The following SPRED2 variants were observed in gnomAD, a reference collection of about 807,000 sequenced individuals.
SPRED2 encodes the protein sprouty-related, EVH1 domain-containing protein 2.
Under a neutral mutation model 43.0 loss-of-function variants are expected in SPRED2, and 47 were observed. The ratio of observed to expected loss-of-function variants is 1.09; its 90% CI spans 0.87 to 1.40. SPRED2 has a LOEUF of 1.40. Ranked by LOEUF, SPRED2 falls within the 40% of genes most tolerant of loss-of-function variation. The pLI is 0.00. For synonymous variants in SPRED2, 225 were observed against 225.7 expected (o/e 1.00, Z 0.03); for missense variants, 561 against 586.4 (o/e 0.96, Z 0.45).
At chr2:65,422,350 A>G (rs1392383119) in intron 1 of SPRED2, among the ~76,000 whole-genome samples, 1 of 152,210 alleles carries the variant, frequency 6.6e-6, no homozygotes, top group Non-Finnish European at 1.5e-5. Flanking sequence ...AACTCTAGTT[A>G]GTAATCAGTT....
Position 65,391,602 on chromosome 2 carries a change from G to T in SPRED2, c.26+40360C>A, listed in dbSNP as rs1675637764. Among the ~76,000 whole-genome samples, 5 of 152,118 alleles carry T rather than the reference G, an allele frequency of 3.3e-5. No homozygotes were observed. In the South Asian group the frequency reaches 1.0e-3, roughly 32 times the overall value. ...CCAGGTGGCTTAACCATTGTAATAG[G>T]TTCTTATCAACAGTTTCACTCACAA... On this transcript the variant is annotated intron_variant, in intron 1 of 5. Coordinates refer to ENST00000356388, the MANE Select transcript of SPRED2 (RefSeq NM_181784.3).
At chr2:65,431,216 TAC>T (rs141740222) in intron 1 of SPRED2, among the ~76,000 whole-genome samples, 11 of 150,042 alleles carry the variant, frequency 7.3e-5, no homozygotes, top group Non-Finnish European at 1.0e-4. Context: ...GACACTCACA[TAC>T]ACACACACAC....
chr2:65,404,402 A>T (rs1675975136), intron 1 of SPRED2, among the ~76,000 whole-genome samples: 1 of 152,208 alleles, frequency 6.6e-6, no homozygotes, highest in African/African-American at 2.4e-5. Flanking sequence ...AAGCGCAAGT[A>T]TATACTACTT....
rs145090112 is a variant in SPRED2, at chr2:65,311,103, C to T, written c.*2398G>A. 3.4e-4 allele frequency: 334 copies of T among 985,576 alleles called. 1 individual carries two copies. The South Asian group carries it at 4.9e-3, about 14-fold the overall frequency. The allele number at this position is 985,576 out of a possible 1,614,324, so 61.1% of individuals were successfully genotyped here. ...AATGTGAGCAAATAGCTTGGGGGGT[C>T]GGGGAGGCTTCTGGACAGAAAATCT... On this transcript the variant is annotated 3_prime_UTR_variant, in exon 6 of 6. Coordinates refer to ENST00000356388, the MANE Select transcript of SPRED2 (RefSeq NM_181784.3).
chr2:65,404,853 CCAAA>C (rs1257239735), intron 1 of SPRED2, among the ~76,000 whole-genome samples: 1 of 152,192 alleles, frequency 6.6e-6, no homozygotes, highest in Non-Finnish European at 1.5e-5. Flanking sequence ...TTCCCTTCTG[CCAAA>C]CAAACACCTC....
chr2:65,395,372 C>A (rs1410417206), intron 1 of SPRED2, among the ~76,000 whole-genome samples: 1 of 152,164 alleles, frequency 6.6e-6, no homozygotes, highest in Non-Finnish European at 1.5e-5. Flanking sequence ...TCCCCCTTCC[C>A]CTTCTCTCCA....
At chr2:65,315,569 C>T (rs539020097) in intron 5 of SPRED2, among the ~76,000 whole-genome samples, 14 of 152,274 alleles carry the variant, frequency 9.2e-5, no homozygotes, top group African/African-American at 1.7e-4. Flanking sequence ...AAACAAATCT[C>T]GGAAACTGAC....
At chr2:65,370,500 A>C (rs1675098206) in intron 1 of SPRED2, among the ~76,000 whole-genome samples, 2 of 152,196 alleles carry the variant, frequency 1.3e-5, no homozygotes, top group South Asian at 4.1e-4. Flanking sequence ...GAAAATATTT[A>C]CCATCTAACT....
chr2:65,404,740 C>T (rs1391185258), intron 1 of SPRED2, among the ~76,000 whole-genome samples: 1 of 152,220 alleles, frequency 6.6e-6, no homozygotes, highest in African/African-American at 2.4e-5. Context: ...AGCGAGCAAA[C>T]AGGACTGGCT....
intron 1 of SPRED2, among the ~76,000 whole-genome samples, chr2:65,363,370 T>C (rs922801399): frequency 1.3e-5 from 2 of 152,020 alleles, no homozygotes; most frequent in African/African-American, 2.4e-5. Context: ...CCCGGAAGAA[T>C]GTTCAGGGTT....
At chr2:65,415,096 T>A (rs2103776058) in intron 1 of SPRED2, among the ~76,000 whole-genome samples, 1 of 152,368 alleles carries the variant, frequency 6.6e-6, no homozygotes, top group East Asian at 1.9e-4. Flanking sequence ...CTAAACAAAA[T>A]GTTTTAATCA....
chr2:65,334,501 C>T, intron 3 of SPRED2, 104 bp downstream of exon 3: 2 of 1,436,714 alleles, frequency 1.4e-6, no homozygotes, highest in Non-Finnish European at 1.9e-6. Context: ...GTCCCAAACC[C>T]TCCCGCAAAT....
intron 1 of SPRED2, among the ~76,000 whole-genome samples, chr2:65,357,381 G>A (rs891930336): frequency 6.6e-5 from 10 of 152,136 alleles, no homozygotes; most frequent in African/African-American, 2.4e-4. Flanking sequence ...CACCTCTTAA[G>A]CTATTCATAC....
In SPRED2 at chr2:65,312,253, A is replaced by G. The variant is rs1262170833; in HGVS notation, c.*1248T>C. On this transcript the variant is annotated 3_prime_UTR_variant, in exon 6 of 6. Coordinates refer to ENST00000356388, the MANE Select transcript of SPRED2 (RefSeq NM_181784.3). ...GCGAGTCTGGGTTTGGAGTTGCAGG[A>G]GAAAGACACTTAGGCATTGGAAGGG... 5.1e-6 allele frequency: 5 copies of G among 985,516 alleles called. No individual in the cohort carries two copies. Among genetic ancestry groups the G allele is most frequent in the Non-Finnish European group, 6.0e-6 (5 of 829,948 alleles). 61.0% of individuals were successfully genotyped at this position (985,516 alleles called of 1,614,324 possible).
intron 1 of SPRED2, among the ~76,000 whole-genome samples, chr2:65,379,656 C>T (rs1675326175): frequency 6.6e-6 from 1 of 152,094 alleles, no homozygotes; most frequent in Non-Finnish European, 1.5e-5. Context: ...TATAGATGAG[C>T]GTAATGAGGC....
intron 1 of SPRED2, among the ~76,000 whole-genome samples, chr2:65,430,866 CAA>C (rs35723262): frequency 6.1e-5 from 9 of 146,502 alleles, no homozygotes; most frequent in Admixed American, 6.7e-5. Flanking sequence ...GTCTTATTCA[CAA>C]AAAAAAAAAA....
chr2:65,395,894 C>T (rs968873976), intron 1 of SPRED2, among the ~76,000 whole-genome samples: 1 of 152,156 alleles, frequency 6.6e-6, no homozygotes, highest in African/African-American at 2.4e-5. Flanking sequence ...TCCTTTTTTC[C>T]ATCTGCCTCA....
intron 1 of SPRED2, among the ~76,000 whole-genome samples, chr2:65,382,291 G>C (rs1280427975): frequency 6.6e-6 from 1 of 152,176 alleles, no homozygotes; most frequent in Non-Finnish European, 1.5e-5. Flanking sequence ...GGCTGGTCCA[G>C]GAAGAAGGCT....
intron 1 of SPRED2, among the ~76,000 whole-genome samples, chr2:65,429,470 T>A (rs1237032695): frequency 6.6e-6 from 1 of 152,082 alleles, no homozygotes; most frequent in Non-Finnish European, 1.5e-5. Flanking sequence ...GCTACCTTAA[T>A]CAAACAATAA....
Sources: allele counts gnomAD v4.1 joint callset (sites outside exome capture counted in the v4.1 genomes callset), GRCh38; gene constraint gnomAD v4.1.1; transcripts MANE v1.5; gene names NCBI Gene and HGNC (gene_info 2026-07-23, HGNC 2026-07-21).